CNTLN: variants seen among roughly 807,000 people sequenced by gnomAD.
CNTLN encodes centlein, centrosomal protein.
Under a neutral mutation model 180.0 loss-of-function variants are expected in CNTLN, and 212 were observed. The ratio of observed to expected loss-of-function variants is 1.18; its 90% confidence interval spans 1.05 to 1.32. The LOEUF (loss-of-function observed/expected upper bound fraction) is 1.32. CNTLN is among the 40% of genes most tolerant of loss of function. The pLI is 0.00. For missense variants in CNTLN, 2,095 were observed against 1,610.9 expected (o/e 1.30, Z -5.14); for synonymous variants, 722 against 563.1 (o/e 1.28, Z -3.99).
At chr9:17,162,452 A>G (rs1819749542) in intron 2 of CNTLN, among the ~76,000 whole-genome samples, 2 of 152,156 alleles carry the variant, frequency 1.3e-5, no homozygotes, top group African/African-American at 2.4e-5. Flanking sequence ...GTAACAACCA[A>G]TTCACAGTCC....
At chr9:17,335,680 G>A (rs1246299019) in intron 10 of CNTLN, among the ~76,000 whole-genome samples, 1 of 152,122 alleles carries the variant, frequency 6.6e-6, no homozygotes, top group East Asian at 1.9e-4. Flanking sequence ...GCTCAGGCCT[G>A]TAATTGTAGC....
chr9:17,361,032 G>A (rs777917519), intron 12 of CNTLN, among the ~76,000 whole-genome samples: 1 of 152,048 alleles, frequency 6.6e-6, no homozygotes. Flanking sequence ...TAAAATCTCA[G>A]TTTAAATATC....
the CNTLN span, among the ~76,000 whole-genome samples, chr9:17,522,103 G>C: frequency 6.6e-6 from 1 of 152,120 alleles, no homozygotes; most frequent in African/African-American, 2.4e-5. Flanking sequence ...GATAGTCTCA[G>C]TTTCCAGTCT....
chr9:17,406,348 G>A (rs956008328), intron 15 of CNTLN, among the ~76,000 whole-genome samples: 1 of 151,752 alleles, frequency 6.6e-6, no homozygotes, highest in African/African-American at 2.4e-5. Context: ...CCTGCTTTCA[G>A]CCTTGTTTTT....
intron 18 of CNTLN, among the ~76,000 whole-genome samples, chr9:17,449,513 AAGAG>A (rs1045891510): frequency 3.0e-4 from 45 of 152,270 alleles, no homozygotes; most frequent in Non-Finnish European, 4.1e-4. Context: ...GAAAAAAAAA[AAGAG>A]AGAGCTTTTC....
chr9:17,146,386 C>T (rs1482448935), intron 2 of CNTLN, among the ~76,000 whole-genome samples: 4 of 152,010 alleles, frequency 2.6e-5, no homozygotes, highest in Non-Finnish European at 4.4e-5. Flanking sequence ...CTTCTGTTTG[C>T]TCTATGCTAT....
rs954038752 is a variant in CNTLN at position 17,367,858 on chromosome 9, C to T, written c.1987+1141C>T. 1.1e-4 allele frequency among the ~76,000 whole-genome samples: 17 copies of T among 149,306 alleles called. No individual in the cohort carries two copies. The East Asian group carries it at 3.3e-3, about 29-fold the overall frequency. On this transcript the variant is annotated intron_variant, in intron 13 of 25. Transcript: ENST00000380647. Reference sequence around the variant, plus strand: ...AACCAGCAGCAATACCCAGATGGTACACTGTGGGTCTTGGCTGAGACTCTG... The same window carrying T: ...AACCAGCAGCAATACCCAGATGGTATACTGTGGGTCTTGGCTGAGACTCTG...
chr9:17,484,462 A>G lies in CNTLN; in HGVS notation c.4023A>G (p.Leu1341=). The change falls in exon 24 of 26, where the codon TTA becomes TTG. Residue 1341 remains leucine (L), a synonymous_variant. Transcript: ENST00000380647. ...CACGGTCAGATTTAGAGGAAATATTAGACACAGAAGATCAAGTGGTAAGAT... is the reference window on the plus strand; with the variant it reads ...CACGGTCAGATTTAGAGGAAATATTGGACACAGAAGATCAAGTGGTAAGAT... The part of the protein sequence containing the change: ...NISRSDLEEI[L]DTEDQVEIEK... 6.3e-7 allele frequency: 1 copy of G among 1,599,374 alleles called. No individual in the cohort carries two copies. The highest frequency in any genetic ancestry group is 8.5e-7 in the Non-Finnish European group (1 of 1,176,424).
chr9:17,389,408 T>G (rs915484566), intron 14 of CNTLN, among the ~76,000 whole-genome samples: 7 of 152,278 alleles, frequency 4.6e-5, no homozygotes, highest in Admixed American at 2.6e-4. Context: ...TCTATGGATA[T>G]GTAATACTAT....
chr9:17,195,628 T>A (rs1822080299), intron 2 of CNTLN, among the ~76,000 whole-genome samples: 1 of 152,216 alleles, frequency 6.6e-6, no homozygotes, highest in South Asian at 2.1e-4. Context: ...ACTGAATGGC[T>A]AATATGTGCC....
chr9:17,150,112 C>T (rs1264893111), intron 2 of CNTLN, among the ~76,000 whole-genome samples: 5 of 152,156 alleles, frequency 3.3e-5, no homozygotes, highest in African/African-American at 9.7e-5. Flanking sequence ...CCTGTTCACT[C>T]TGATGATAGT....
intron 5 of CNTLN, among the ~76,000 whole-genome samples, chr9:17,258,318 TTCTGTTC>T: frequency 6.7e-6 from 1 of 148,794 alleles, no homozygotes; most frequent in South Asian, 2.2e-4. Flanking sequence ...GAGGGCTCTG[TTCTGTTC>T]CATTGATCTA....
At chr9:17,497,307 A>T (rs936103710) in intron 25 of CNTLN, among the ~76,000 whole-genome samples, 1 of 152,190 alleles carries the variant, frequency 6.6e-6, no homozygotes, top group Admixed American at 6.6e-5. Flanking sequence ...CGAGAATTAT[A>T]GTGTCACACA....
the CNTLN span, among the ~76,000 whole-genome samples, chr9:17,510,239 G>A: frequency 6.6e-6 from 1 of 152,130 alleles, no homozygotes; most frequent in Non-Finnish European, 1.5e-5. Flanking sequence ...TAGGGAATAA[G>A]TAGTTGAAGA....
chr9:17,343,860 C>T (rs1162727966), intron 12 of CNTLN, among the ~76,000 whole-genome samples: 1 of 152,110 alleles, frequency 6.6e-6, no homozygotes, highest in Admixed American at 6.6e-5. Context: ...CCTGCCCAGC[C>T]CTAGGAAACT....
intron 2 of CNTLN, among the ~76,000 whole-genome samples, chr9:17,172,405 G>A (rs1356682020): frequency 2.6e-5 from 4 of 151,966 alleles, no homozygotes; most frequent in Non-Finnish European, 5.9e-5. Context: ...TAGGTTTTAT[G>A]GAATACCCCA....
chr9:17,328,860 A>G (rs1264031834), intron 8 of CNTLN, among the ~76,000 whole-genome samples: 2 of 152,136 alleles, frequency 1.3e-5, no homozygotes, highest in African/African-American at 4.8e-5. Context: ...TGCTGCCTAA[A>G]TATCCTTTAT....
intron 2 of CNTLN, among the ~76,000 whole-genome samples, chr9:17,165,895 A>G (rs1366789814): frequency 1.3e-5 from 2 of 152,216 alleles, no homozygotes; most frequent in Non-Finnish European, 2.9e-5. Context: ...ACAGGTCCTA[A>G]CAAAATGACA....
intron 6 of CNTLN, among the ~76,000 whole-genome samples, chr9:17,285,040 C>G (rs1045494348): frequency 2.0e-5 from 3 of 150,580 alleles, no homozygotes; most frequent in African/African-American, 4.9e-5. Context: ...TTTTAGGGTA[C>G]ATGTGCACAT....
Sources: allele counts gnomAD v4.1 joint callset (sites outside exome capture counted in the v4.1 genomes callset), GRCh38; gene constraint gnomAD v4.1.1; transcripts MANE v1.5; gene names NCBI Gene and HGNC (gene_info 2026-07-23, HGNC 2026-07-21).